Variants in CLCN4 observed in about 807,000 individuals in gnomAD.
CLCN4 encodes H(+)/Cl(-) exchange transporter 4.
CLCN4 carries 1 observed loss-of-function variant against 41.7 expected under a neutral mutation model. The observed-to-expected ratio is 0.02, with a 90% confidence interval of 0.01 to 0.11. The LOEUF is 0.11. Ranked by LOEUF, CLCN4 falls within the 10% of genes least tolerant of loss-of-function variation. The pLI is 1.00. For synonymous variants in CLCN4, 277 were observed against 285.8 expected, an observed-to-expected ratio of 0.97 and a Z score of 0.31; for missense variants, 287 against 661.0, an observed-to-expected ratio of 0.43 and a Z score of 6.20.
chrX:10,233,391 T>C (rs2060269524), intron 12 of CLCN4, 103 bp from the exon 13 acceptor site: 1 of 567,937 alleles, frequency 1.8e-6, no homozygotes, highest in Admixed American at 2.8e-5. Context: ...TGGGAAATGT[T>C]GTCTGTCTCT....
chrX:10,188,562 A>C (rs1173273526), intron 4 of CLCN4, among the ~76,000 whole-genome samples: 2 of 112,547 alleles, frequency 1.8e-5, no homozygotes, highest in Non-Finnish European at 3.8e-5. Context: ...CCTTCCGGGA[A>C]ATAGTTTCCT....
chrX:10,174,830 C>A (rs1188874734), intron 2 of CLCN4, among the ~76,000 whole-genome samples: 4 of 112,187 alleles, frequency 3.6e-5, no homozygotes, highest in Non-Finnish European at 7.5e-5. Context: ...GTCCCCTCCC[C>A]AGTCCCCTCA....
At chrX:10,196,615 C>T (rs897861409) in intron 5 of CLCN4, among the ~76,000 whole-genome samples, 3 of 101,289 alleles carry the variant, frequency 3.0e-5, no homozygotes, top group Non-Finnish European at 5.9e-5. Context: ...TTTTGCTAAA[C>T]CTCTTTCTCA....
chrX:10,226,372 A>G (rs1228776743), intron 12 of CLCN4, among the ~76,000 whole-genome samples: 3 of 111,813 alleles, frequency 2.7e-5, no homozygotes, highest in Admixed American at 9.5e-5. Flanking sequence ...ACATACCAGA[A>G]TCTCTTGGAC....
intron 4 of CLCN4, among the ~76,000 whole-genome samples, chrX:10,189,535 G>A (rs752547470): frequency 8.9e-6 from 1 of 112,080 alleles, no homozygotes; most frequent in Non-Finnish European, 1.9e-5. Context: ...CACGTCAGCA[G>A]GGGAATACAT....
At chrX:10,210,650 C>CTTTTTTTT (rs34763016) in intron 9 of CLCN4, among the ~76,000 whole-genome samples, 2 of 75,085 alleles carry the variant, frequency 2.7e-5, no homozygotes, top group Non-Finnish European at 5.0e-5. Context: ...CCTGAATTGT[C>CTTTTTTTT]TTTTTTTTTT....
At position 10,212,315 on chromosome X, in the gene CLCN4, C is replaced by T. The variant is rs955711969; in HGVS notation, c.1390-152C>T. On this transcript the variant is annotated intron_variant, in intron 9 of 12. Transcript: ENST00000380833. ...AGGCAGGTCAAATTATTTGTCCCAC[C>T]TTTCCCCAGCTGACCTATTTTGCAG... is the stretch of plus-strand genomic sequence containing the variant. 3 of 486,955 alleles carry T rather than the reference C, an allele frequency of 6.2e-6. No individual in the cohort carries two copies. In the African/African-American group the frequency reaches 7.2e-5, roughly 12 times the overall value. The allele number at this position is 486,955 out of a possible 1,213,427, so 40.1% of individuals were successfully genotyped here.
rs181370214 is a variant in CLCN4, at chrX:10,185,407, A to T, written c.144+231A>T. On this transcript the variant is annotated intron_variant, in intron 3 of 12. Coordinates refer to ENST00000380833, the MANE Select transcript of CLCN4 (RefSeq NM_001830.4). ...TTGTGGTGTGGAGGAGAGGGAGGGG[A>T]CTTTGCAGGTGCCATTTCTGGAACC... Among the ~76,000 whole-genome samples, 3 of 110,945 alleles carry T rather than the reference A, an allele frequency of 2.7e-5. No homozygotes were observed. The East Asian group carries it at 8.5e-4, about 32-fold the overall frequency.
chrX:10,228,483 G>T (rs1361020596), intron 12 of CLCN4, among the ~76,000 whole-genome samples: 2 of 110,987 alleles, frequency 1.8e-5, no homozygotes, highest in Non-Finnish European at 3.8e-5. Flanking sequence ...ACAGTGGGGA[G>T]TAGACCTGGG....
At chrX:10,180,370 C>T (rs1364886439) in intron 2 of CLCN4, among the ~76,000 whole-genome samples, 3 of 111,489 alleles carry the variant, frequency 2.7e-5, no homozygotes, top group African/African-American at 9.8e-5. Flanking sequence ...GCAAAAGGGA[C>T]GGTATCTGAC....
chrX:10,220,753 C>A lies in CLCN4; in HGVS notation c.2068C>A (p.Pro690Thr). Residue 690 changes from proline (P) to threonine (T), a missense_variant, in exon 12 of 13, where the codon CCC becomes ACC. Around this residue, in one of 6 missense-constraint regions of CLCN4, gnomAD observed 71 missense variants for 104.5 expected, o/e 0.68. Coordinates refer to ENST00000380833, the MANE Select transcript of CLCN4 (RefSeq NM_001830.4). ...PPELPANSPHPLKLRRILNLS... is the reference protein window; with the variant it reads ...PPELPANSPHTLKLRRILNLS... ...CGAGCTGCCGGCCAACAGCCCACAT[C>A]CCCTGAAGCTGCGGCGCATCCTGAA... The A allele has an allele frequency of 8.3e-7, 1 of 1,211,579 alleles. No homozygotes were observed. The highest frequency in any genetic ancestry group is 1.1e-6 in the Non-Finnish European group (1 of 895,197).
chrX:10,175,943 T>TCTCTCTCC (rs1367074316), intron 2 of CLCN4, among the ~76,000 whole-genome samples: 6,456 of 57,401 alleles, frequency 0.11, 269 homozygotes, highest in East Asian at 0.18. Context: ...TCCCTCCCTC[T>TCTCTCTCC]CCCTCTCTCT....
At chrX:10,227,452 G>C (rs938604226) in intron 12 of CLCN4, among the ~76,000 whole-genome samples, 4 of 111,733 alleles carry the variant, frequency 3.6e-5, no homozygotes, top group African/African-American at 1.3e-4. Flanking sequence ...ATCATACTGA[G>C]TGGGCAAAAC....
At chrX:10,207,943 C>A in intron 8 of CLCN4, 102 bp from the exon 9 acceptor site, 2 of 670,054 alleles carry the variant, frequency 3.0e-6, no homozygotes, top group Non-Finnish European at 4.6e-6. Flanking sequence ...ATGAGTGTGT[C>A]CACTCTTGGA....
chrX:10,160,118 A>C (rs1376388233), intron 2 of CLCN4, among the ~76,000 whole-genome samples: 3 of 108,467 alleles, frequency 2.8e-5, no homozygotes, highest in Non-Finnish European at 3.8e-5. Context: ...CAGTTGTGAC[A>C]ATCAAAAATG....
chrX:10,163,223 C>T (rs1602135585), intron 2 of CLCN4, among the ~76,000 whole-genome samples: 3 of 112,559 alleles, frequency 2.7e-5, no homozygotes, highest in Non-Finnish European at 3.8e-5. Flanking sequence ...AGTGTGATGA[C>T]GCATCTCTTC....
intron 2 of CLCN4, among the ~76,000 whole-genome samples, chrX:10,165,255 C>T (rs1224596804): frequency 1.8e-5 from 2 of 112,884 alleles, no homozygotes; most frequent in African/African-American, 3.2e-5. Flanking sequence ...CTGCTGTTGG[C>T]TGGGTTGAAA....
chrX:10,187,518 A>T lies in CLCN4; in HGVS notation c.148A>T (p.Thr50Ser). 1 of 1,201,960 alleles carries T rather than the reference A, an allele frequency of 8.3e-7. No individual in the cohort carries two copies. The highest frequency in any genetic ancestry group is 1.1e-6 in the Non-Finnish European group (1 of 886,749). ...SRDTDRHRKI[T>S]SKSKESIWEF... ...TGCTGTATCTGCTTTGTTCTAGATC[A>T]CCAGCAAGAGCAAGGAGTCCATATG... Residue 50 changes from threonine to serine, a missense_variant, in exon 4 of 13, where the codon ACC becomes TCC. Transcript: ENST00000380833.
Position 10,213,975 on chromosome X carries a change from C to T in CLCN4, c.1871C>T (p.Thr624Met), listed in dbSNP as rs751105638. The T allele has an allele frequency of 2.5e-5, 30 of 1,210,285 alleles. No individual in the cohort carries two copies. Among genetic ancestry groups the T allele is most frequent in the Admixed American group, 1.7e-4 (8 of 45,908 alleles). ...AGCATGACTGTCGAGGACGTGGAGA[C>T]GCTCATCAAGGAGACCGACTACAAC... ...QDSMTVEDVE[T>M]LIKETDYNGF... Residue 624 changes from threonine (T) to methionine (M), a missense_variant, in exon 11 of 13, where the codon ACG becomes ATG. Thr to Met is a moderately conservative substitution (Grantham distance 81, BLOSUM62 -1). Around this residue, in one of 6 missense-constraint regions of CLCN4, gnomAD observed 71 missense variants for 104.5 expected, o/e 0.68. Transcript: ENST00000380833.
Sources: gnomAD v4.1 joint callset for allele counts (sites outside exome capture counted in the v4.1 genomes callset) on GRCh38, gnomAD v4.1.1 for gene constraint, gnomAD v4.1.1 regional missense constraint, MANE v1.5 for transcripts, NCBI Gene and HGNC (gene_info 2026-07-23, HGNC 2026-07-21) for gene names.